EPHX4: variants seen among roughly 807,000 people sequenced by gnomAD.
EPHX4 encodes abhydrolase domain containing 7.
A neutral mutation model predicts 44.9 loss-of-function variants in EPHX4; 31 were observed. The observed-to-expected ratio is 0.69, with a 90% CI of 0.52 to 0.93. The LOEUF is 0.93. Ranked by LOEUF, EPHX4 falls within the 40% of genes least tolerant of loss-of-function variation. EPHX4 has a pLI of 0.00. For synonymous variants in EPHX4, 151 were observed against 159.7 expected (o/e 0.95, Z 0.41); for missense variants, 373 against 438.1 (o/e 0.85, Z 1.33).
chr1:92,041,695 A>G (rs565517774), intron 2 of EPHX4, among the ~76,000 whole-genome samples: 1 of 152,338 alleles, frequency 6.6e-6, no homozygotes, highest in East Asian at 1.9e-4. Flanking sequence ...CTAACTGTTC[A>G]TAGTACAGAT....
At chr1:92,060,339 A>G (rs904154816) in intron 6 of EPHX4, among the ~76,000 whole-genome samples, 10 of 151,890 alleles carry the variant, frequency 6.6e-5, no homozygotes, top group African/African-American at 2.2e-4. Context: ...ACTTGAGCAC[A>G]GGAATTCAAG....
At chr1:92,057,604 T>C in intron 6 of EPHX4, among the ~76,000 whole-genome samples, 1 of 148,104 alleles carries the variant, frequency 6.8e-6, no homozygotes, top group Non-Finnish European at 1.5e-5. Context: ...CAGGTAAGTT[T>C]GTTTTTTTTT....
rs1047782945 is a variant in EPHX4 at position 92,032,416 on chromosome 1, A to G, written c.232-89A>G. ...CAAATGTTTTAAAATAAGGCAAGTT[A>G]CTATTTTTTTAATGAAATGGAAATG... On this transcript the variant is annotated intron_variant, in intron 1 of 6. Coordinates refer to ENST00000370383, the MANE Select transcript of EPHX4 (RefSeq NM_173567.5). The G allele has an allele frequency of 7.3e-6, 7 of 955,482 alleles. No individual in the cohort carries two copies. In the African/African-American group the frequency reaches 9.8e-5, roughly 13 times the overall value. The allele number at this position is 955,482 out of a possible 1,614,324, so 59.2% of individuals were successfully genotyped here. A position where few individuals can be genotyped will look rare whatever the true frequency, so the allele number is the denominator to read the frequency against.
chr1:92,050,047 T>C (rs1647222439), intron 4 of EPHX4, among the ~76,000 whole-genome samples: 1 of 151,762 alleles, frequency 6.6e-6, no homozygotes, highest in African/African-American at 2.4e-5. Flanking sequence ...TATAGTGAGC[T>C]GAGATCGCGC....
rs767516571 is a variant in EPHX4, at chr1:92,042,818, T to C, written c.318-5T>C. On this transcript the variant is annotated splice_region_variant and splice_polypyrimidine_tract_variant and intron_variant, in intron 2 of 6. Coordinates refer to ENST00000370383, the MANE Select transcript of EPHX4 (RefSeq NM_173567.5). ...ATATTTTAAATGCTTCCTTTTTTCC[T>C]GCAGGTATTCTTGGCGTTACCAACT... 8 of 1,606,796 alleles carry C rather than the reference T, an allele frequency of 5.0e-6. No individual in the cohort carries two copies. The highest frequency in any genetic ancestry group is 6.8e-6 in the Non-Finnish European group (8 of 1,177,580).
At position 92,063,407 on chromosome 1, in the gene EPHX4, A is replaced by ATTG; in HGVS notation, c.*121_*122insTTG. On this transcript the variant is annotated 3_prime_UTR_variant, in exon 7 of 7. Coordinates refer to ENST00000370383, the MANE Select transcript of EPHX4 (RefSeq NM_173567.5). ...TGTTTTAATGTGCTTTATCATAAAT[A>ATTG]AATATCCTGACAAATGGTATTGAAA... 1.5e-6 allele frequency: 1 copy of ATTG among 675,730 alleles called. No individual in the cohort carries two copies. The highest frequency in any genetic ancestry group is 2.3e-6 in the Non-Finnish European group (1 of 431,502). 41.9% of individuals were successfully genotyped at this position (675,730 alleles called of 1,614,324 possible).
chr1:92,030,181 C>G lies in EPHX4; in HGVS notation c.102C>G (p.Ile34Met). ...VYCYCGLCAS[I>M]HLLKLLWSLG... ...GCTACTGCGGGCTCTGCGCCTCCAT[C>G]CACCTGCTCAAACTTTTGTGGAGCC... Residue 34 changes from isoleucine (I) to methionine (M), a missense_variant, in exon 1 of 7, where the codon ATC becomes ATG. Transcript: ENST00000370383. 1 of 1,612,054 alleles carries G rather than the reference C, an allele frequency of 6.2e-7. No individual in the cohort carries two copies. The highest frequency in any genetic ancestry group is 8.5e-7 in the Non-Finnish European group (1 of 1,179,146).
intron 4 of EPHX4, among the ~76,000 whole-genome samples, chr1:92,049,355 C>T (rs927659567): frequency 6.6e-6 from 1 of 152,158 alleles, no homozygotes; most frequent in African/African-American, 2.4e-5. Context: ...TACTATGTAG[C>T]AGTCCCTCCA....
intron 4 of EPHX4, among the ~76,000 whole-genome samples, chr1:92,050,098 C>CA (rs955199568): frequency 6.7e-6 from 1 of 149,992 alleles, no homozygotes; most frequent in Admixed American, 6.6e-5. Context: ...GACTCTGTCT[C>CA]AAAAAAATAA....
intron 1 of EPHX4, 146 bp downstream of exon 1, chr1:92,030,456 T>TGTGTGTGTGTGTGTG: frequency 3.7e-6 from 1 of 270,774 alleles, no homozygotes; most frequent in Non-Finnish European, 6.5e-6. Flanking sequence ...TCCCTGTGTG[T>TGTGTGTGTGTGTGTG]CGTGTGTGTG....
At chr1:92,046,899 C>T (rs954723000) in intron 4 of EPHX4, among the ~76,000 whole-genome samples, 55 of 152,180 alleles carry the variant, frequency 3.6e-4, no homozygotes, top group African/African-American at 1.3e-3. Context: ...TATCATCATG[C>T]ATTGTAAGAT....
chr1:92,052,389 C>T (rs1647279096), intron 5 of EPHX4, 121 bp from the exon 6 acceptor site: 1 of 886,130 alleles, frequency 1.1e-6, no homozygotes, highest in African/African-American at 1.7e-5. Flanking sequence ...TCAAACTTGG[C>T]TAGAGCAGAA....
At chr1:92,030,396 G>T (rs957176703) in intron 1 of EPHX4, 86 bp downstream of exon 1, 6 of 1,249,914 alleles carry the variant, frequency 4.8e-6, no homozygotes, top group East Asian at 2.6e-5. Flanking sequence ...CTTCCGAGAC[G>T]CTGGCTCAGC....
At chr1:92,041,195 C>T (rs1156637770) in intron 2 of EPHX4, among the ~76,000 whole-genome samples, 1 of 152,124 alleles carries the variant, frequency 6.6e-6, no homozygotes, top group African/African-American at 2.4e-5. Context: ...TTGGCTGCAG[C>T]ACTGTGGCCC....
chr1:92,036,604 A>T (rs564925754), intron 2 of EPHX4, among the ~76,000 whole-genome samples: 2 of 152,346 alleles, frequency 1.3e-5, no homozygotes, highest in South Asian at 4.1e-4. Flanking sequence ...ATATGTGAAG[A>T]TCATAGACAG....
intron 6 of EPHX4, among the ~76,000 whole-genome samples, chr1:92,057,159 A>G (rs893334275): frequency 2.6e-5 from 4 of 152,106 alleles, no homozygotes; most frequent in African/African-American, 4.8e-5. Flanking sequence ...AAAATAAATT[A>G]GAAGACAAAT....
In EPHX4 at chr1:92,045,632, T is replaced by A; in HGVS notation, c.576T>A (p.Ile192=). 5 of 1,614,042 alleles carry A rather than the reference T, an allele frequency of 3.1e-6. No homozygotes were observed. Among genetic ancestry groups the A allele is most frequent in the Non-Finnish European group, 4.2e-6 (5 of 1,179,930 alleles). ...AAATGGTGATGAAGCTTATTGTTAT[T>A]AACTTCCCTCATCCAAATGTATTTA... ...YPEMVMKLIV[I]NFPHPNVFTE... Residue 192 remains isoleucine, a synonymous_variant, in exon 4 of 7, where the codon ATT becomes ATA. Coordinates refer to ENST00000370383, the MANE Select transcript of EPHX4 (RefSeq NM_173567.5).
Position 92,050,304 on chromosome 1 carries a change from A to G in EPHX4, c.605-13A>G. 1 of 1,540,992 alleles carries G rather than the reference A, an allele frequency of 6.5e-7. No individual in the cohort carries two copies. The highest frequency in any genetic ancestry group is 2.3e-5 in the East Asian group (1 of 43,742). On this transcript the variant is annotated splice_polypyrimidine_tract_variant and intron_variant, in intron 4 of 6. Transcript: ENST00000370383. ...CCCCTTGGATAAGGTCTAACATGGC[A>G]TTTTAATTTCAGAATATATTTTACG...
intron 2 of EPHX4, among the ~76,000 whole-genome samples, chr1:92,033,249 A>G (rs1272352883): frequency 2.0e-5 from 3 of 151,950 alleles, no homozygotes; most frequent in African/African-American, 7.3e-5. Flanking sequence ...CTACTTTTTG[A>G]TCATGTGCCC....
Sources: gnomAD v4.1 joint callset for allele counts (sites outside exome capture counted in the v4.1 genomes callset) on GRCh38, gnomAD v4.1.1 for gene constraint, MANE v1.5 for transcripts, NCBI Gene and HGNC (gene_info 2026-07-23, HGNC 2026-07-21) for gene names.